HS6ST2: variants seen among roughly 807,000 people sequenced by gnomAD.
The protein encoded by HS6ST2 is heparan sulfate 6-O-sulfotransferase 2.
Under a neutral mutation model 33.0 loss-of-function variants are expected in HS6ST2, and 17 were observed. That is an observed-to-expected ratio of 0.52 (90% CI 0.35 to 0.77). HS6ST2 has a LOEUF of 0.77. Ranked by LOEUF, HS6ST2 falls within the 30% of genes least tolerant of loss-of-function variation. The pLI is 0.01. For missense variants in HS6ST2, 519 were observed against 551.7 expected, an observed-to-expected ratio of 0.94 and a Z score of 0.59; for synonymous variants, 248 against 237.1, an observed-to-expected ratio of 1.05 and a Z score of -0.42.
At chrX:132,716,743 C>T (rs1036792369) in intron 2 of HS6ST2, among the ~76,000 whole-genome samples, 5 of 111,852 alleles carry the variant, frequency 4.5e-5, no homozygotes, top group African/African-American at 1.3e-4. Flanking sequence ...TAATAAAGGC[C>T]GAAAAGTTTC....
chrX:132,818,282 G>A (rs1233585436), intron 2 of HS6ST2, among the ~76,000 whole-genome samples: 8 of 111,030 alleles, frequency 7.2e-5, no homozygotes, highest in Non-Finnish European at 1.5e-4. Flanking sequence ...TTCTAAGCTT[G>A]ACCCACCACT....
At chrX:132,777,219 C>G (rs764816061) in intron 2 of HS6ST2, among the ~76,000 whole-genome samples, 5 of 107,424 alleles carry the variant, frequency 4.7e-5, no homozygotes, top group Non-Finnish European at 7.7e-5. Flanking sequence ...AGGGTTGTCT[C>G]TTCAACAGGA....
chrX:132,818,835 C>T (rs1319964642), intron 2 of HS6ST2, among the ~76,000 whole-genome samples: 1 of 112,046 alleles, frequency 8.9e-6, no homozygotes, highest in African/African-American at 3.2e-5. Context: ...TCATCCAAAT[C>T]AGCAGTGAAA....
At chrX:132,739,533 G>A (rs766090657) in intron 2 of HS6ST2, among the ~76,000 whole-genome samples, 6 of 110,247 alleles carry the variant, frequency 5.4e-5, no homozygotes, top group Admixed American at 9.7e-5. Context: ...TGGCCAACAT[G>A]GTTAAACTCC....
intron 2 of HS6ST2, among the ~76,000 whole-genome samples, chrX:132,895,486 A>G (rs193215729): frequency 8.9e-6 from 1 of 111,743 alleles, no homozygotes; most frequent in African/African-American, 3.2e-5. Context: ...TGATATATAT[A>G]AAATACAATG....
chrX:132,764,014 A>G (rs1214373417), intron 2 of HS6ST2, among the ~76,000 whole-genome samples: 1 of 112,369 alleles, frequency 8.9e-6, no homozygotes, highest in Non-Finnish European at 1.9e-5. Context: ...ATACATCAGA[A>G]TGTATCTTTG....
chrX:132,770,592 C>T (rs1223926712), intron 2 of HS6ST2, among the ~76,000 whole-genome samples: 1 of 111,641 alleles, frequency 9.0e-6, no homozygotes, highest in Non-Finnish European at 1.9e-5. Context: ...TGAGAGAGCT[C>T]TCCCTGGTGT....
chrX:132,783,357 C>T (rs775402048), intron 2 of HS6ST2, among the ~76,000 whole-genome samples: 2 of 111,717 alleles, frequency 1.8e-5, no homozygotes, highest in Non-Finnish European at 3.8e-5. Context: ...AAAATCTTGA[C>T]ACAGATTTGT....
chrX:132,794,515 T>G (rs1018060783), intron 2 of HS6ST2, among the ~76,000 whole-genome samples: 4 of 109,912 alleles, frequency 3.6e-5, no homozygotes, highest in Non-Finnish European at 7.6e-5. Flanking sequence ...CACCTCAGTT[T>G]CCTGATTAGC....
chrX:132,794,516 C>T (rs2065153471), intron 2 of HS6ST2, among the ~76,000 whole-genome samples: 1 of 109,763 alleles, frequency 9.1e-6, no homozygotes, highest in East Asian at 2.8e-4. Context: ...ACCTCAGTTT[C>T]CTGATTAGCT....
intron 2 of HS6ST2, among the ~76,000 whole-genome samples, chrX:132,944,741 C>G (rs1174958253): frequency 9.0e-6 from 1 of 110,653 alleles, no homozygotes; most frequent in Non-Finnish European, 1.9e-5. Context: ...CTGACAAAAA[C>G]AAGAAATGGG....
intron 2 of HS6ST2, among the ~76,000 whole-genome samples, chrX:132,856,689 G>A (rs1409764747): frequency 1.8e-5 from 2 of 110,509 alleles, no homozygotes; most frequent in Admixed American, 1.9e-4. Context: ...CTGATAGCCC[G>A]GGGAAAAAAA....
intron 2 of HS6ST2, among the ~76,000 whole-genome samples, chrX:132,902,460 A>G (rs1033361430): frequency 3.6e-5 from 4 of 112,125 alleles, no homozygotes; most frequent in Non-Finnish European, 7.5e-5. Context: ...TTCCTTCTTA[A>G]CAATCCTTCG....
chrX:132,686,485 A>T lies in HS6ST2; in HGVS notation c.981-17286T>A, dbSNP rs952299402. ...GCTTGTCTGTGGAGTCAGAAAAAGT[A>T]TCTCATTAGGGAATGAGAGGTATTA... On this transcript the variant is annotated intron_variant, in intron 3 of 4. Transcript: ENST00000370833. Among the ~76,000 whole-genome samples the T allele has an allele frequency of 8.1e-5, 9 of 111,617 alleles. No homozygotes were observed. In the East Asian group the frequency reaches 2.2e-3, roughly 28 times the overall value.
At chrX:132,810,682 T>C (rs1229920351) in intron 2 of HS6ST2, among the ~76,000 whole-genome samples, 1 of 111,454 alleles carries the variant, frequency 9.0e-6, no homozygotes, top group African/African-American at 3.3e-5. Context: ...AAGCAGAAAC[T>C]TGAAGAGCTC....
chrX:132,694,934 T>C (rs1189127767), intron 3 of HS6ST2, among the ~76,000 whole-genome samples: 8 of 110,811 alleles, frequency 7.2e-5, no homozygotes, highest in Non-Finnish European at 1.5e-4. Flanking sequence ...GAGGACCACG[T>C]TCTGGGGAAA....
intron 4 of HS6ST2, among the ~76,000 whole-genome samples, chrX:132,643,188 C>T (rs1163305628): frequency 1.8e-5 from 2 of 111,626 alleles, no homozygotes; most frequent in Admixed American, 9.5e-5. Flanking sequence ...TAATTTTTGA[C>T]AGAATAGAAT....
Position 132,950,712 on chromosome X carries a change from G to A in HS6ST2, c.947+6096C>T, listed in dbSNP as rs1047062564. Reference sequence around the variant, plus strand: ...TGTCCTTTGATTCTCTAATCAGCTCGTGAGAGTTCTTTGTACAGTAAAGAT... The same window carrying A: ...TGTCCTTTGATTCTCTAATCAGCTCATGAGAGTTCTTTGTACAGTAAAGAT... On this transcript the variant is annotated intron_variant, in intron 2 of 4. Coordinates refer to ENST00000370833, the MANE Select transcript of HS6ST2 (RefSeq NM_001394073.1). 2.7e-5 allele frequency among the ~76,000 whole-genome samples: 3 copies of A among 111,997 alleles called. No homozygotes were observed. In the Admixed American group the frequency reaches 2.8e-4, roughly 11 times the overall value.
intron 4 of HS6ST2, among the ~76,000 whole-genome samples, chrX:132,631,156 C>A (rs770730045): frequency 3.6e-5 from 4 of 111,689 alleles, no homozygotes; most frequent in Non-Finnish European, 7.5e-5. Context: ...GATGAACTAT[C>A]CTGGGGAAGA....
Sources: allele counts gnomAD v4.1 joint callset (sites outside exome capture counted in the v4.1 genomes callset), GRCh38; gene constraint gnomAD v4.1.1; transcripts MANE v1.5; gene names NCBI Gene and HGNC (gene_info 2026-07-23, HGNC 2026-07-21).